CDK8: variants seen among roughly 807,000 people sequenced by gnomAD.
CDK8 encodes cyclin-dependent kinase 8.
CDK8 carries 29 observed loss-of-function variants against 71.5 expected under a neutral mutation model. That is an observed-to-expected ratio of 0.41 (90% CI 0.30 to 0.55). CDK8 has a LOEUF of 0.55. Ranked by LOEUF, CDK8 falls within the 20% of genes least tolerant of loss-of-function variation. CDK8 has a pLI of 0.37. For missense variants in CDK8, 288 were observed against 572.6 expected (o/e 0.50, Z 5.07); for synonymous variants, 161 against 192.1 (o/e 0.84, Z 1.34).
At chr13:26,293,621 AAAAT>A (rs1288419471) in intron 1 of CDK8, among the ~76,000 whole-genome samples, 15 of 123,424 alleles carry the variant, frequency 1.2e-4, no homozygotes, top group South Asian at 2.8e-4. Context: ...AAAAAAAAAA[AAAAT>A]TTGTATATAT....
At chr13:26,308,568 G>A (rs1874142931) in intron 1 of CDK8, among the ~76,000 whole-genome samples, 1 of 152,200 alleles carries the variant, frequency 6.6e-6, no homozygotes, top group Non-Finnish European at 1.5e-5. Context: ...ATGTACATAA[G>A]TTTTGGTCCC....
intron 1 of CDK8, among the ~76,000 whole-genome samples, chr13:26,306,680 G>A (rs1200458866): frequency 3.0e-4 from 45 of 147,616 alleles, no homozygotes. Context: ...CCAGGCTGGA[G>A]TGCAGTGGCA....
intron 12 of CDK8, among the ~76,000 whole-genome samples, chr13:26,402,526 G>C (rs751407146): frequency 6.6e-6 from 1 of 152,178 alleles, no homozygotes; most frequent in African/African-American, 2.4e-5. Flanking sequence ...CCGAGTGCTC[G>C]TTACTGTACT....
chr13:26,347,385 A>G (rs1327887795), intron 2 of CDK8, among the ~76,000 whole-genome samples: 1 of 152,212 alleles, frequency 6.6e-6, no homozygotes, highest in African/African-American at 2.4e-5. Context: ...ATTGATGTTA[A>G]TGAATGTTGC....
At chr13:26,376,411 A>C (rs1874953649) in intron 4 of CDK8, among the ~76,000 whole-genome samples, 1 of 152,164 alleles carries the variant, frequency 6.6e-6, no homozygotes, top group South Asian at 2.1e-4. Context: ...AACTGTTATA[A>C]AATTTTACAG....
chr13:26,327,963 C>T (rs200976266), intron 1 of CDK8, among the ~76,000 whole-genome samples: 3 of 143,766 alleles, frequency 2.1e-5, no homozygotes, highest in Non-Finnish European at 3.0e-5. Context: ...TAAGAGCTGT[C>T]TTTTTTTTTT....
At position 26,404,199 on chromosome 13, in the gene CDK8, G is replaced by A. The variant is rs1290223786; in HGVS notation, c.*118G>A. On this transcript the variant is annotated 3_prime_UTR_variant, in exon 13 of 13. Coordinates refer to ENST00000381527, the MANE Select transcript of CDK8 (RefSeq NM_001260.3). ...TACTGTACAACCACATCTTCAAAATGTCCAGTAGCCAAGTTCCACCACTTT... is the reference window on the plus strand; with the variant it reads ...TACTGTACAACCACATCTTCAAAATATCCAGTAGCCAAGTTCCACCACTTT... The A allele has an allele frequency of 8.3e-6, 10 of 1,201,902 alleles. No individual in the cohort carries two copies. Among genetic ancestry groups the A allele is most frequent in the African/African-American group, 1.5e-5 (1 of 66,094 alleles). The allele number at this position is 1,201,902 out of a possible 1,614,324, so 74.5% of individuals were successfully genotyped here.
chr13:26,311,133 GC>G (rs1048458590), intron 1 of CDK8, among the ~76,000 whole-genome samples: 19 of 149,888 alleles, frequency 1.3e-4, no homozygotes, highest in Non-Finnish European at 1.5e-5. Context: ...TGGTAGCTGT[GC>G]ATTAAAAATG....
chr13:26,338,614 G>A (rs1382061370), intron 2 of CDK8, among the ~76,000 whole-genome samples: 1 of 152,116 alleles, frequency 6.6e-6, no homozygotes, highest in Non-Finnish European at 1.5e-5. Flanking sequence ...GGGTGAGATG[G>A]AGGATATTGT....
In CDK8 at chr13:26,379,384, T is replaced by C. The variant is rs557799161; in HGVS notation, c.457-3430T>C. Among the ~76,000 whole-genome samples, 8 of 152,326 alleles carry C rather than the reference T, an allele frequency of 5.3e-5. 1 individual carries two copies. Among genetic ancestry groups the C allele is most frequent in the African/African-American group, 1.9e-4 (8 of 41,576 alleles). On this transcript the variant is annotated intron_variant, in intron 4 of 12. Coordinates refer to ENST00000381527, the MANE Select transcript of CDK8 (RefSeq NM_001260.3). ...GAGCTTGGGCCCCAAACTCTAATAC[T>C]AGGTCGGACCTTGACAAAGATACTA... is the stretch of plus-strand genomic sequence containing the variant.
At chr13:26,354,760 ACTT>A (rs1240907648) in intron 4 of CDK8, among the ~76,000 whole-genome samples, 1 of 152,058 alleles carries the variant, frequency 6.6e-6, no homozygotes, top group Non-Finnish European at 1.5e-5. Context: ...CCGTGGAAAA[ACTT>A]CTTCCATGAA....
chr13:26,332,996 AT>A (rs1365072111), intron 1 of CDK8, among the ~76,000 whole-genome samples: 1 of 152,068 alleles, frequency 6.6e-6, no homozygotes, highest in Non-Finnish European at 1.5e-5. Flanking sequence ...TCCACATCTG[AT>A]TTCATGTGAC....
intron 1 of CDK8, among the ~76,000 whole-genome samples, chr13:26,263,850 C>G (rs1275704834): frequency 6.6e-6 from 1 of 150,630 alleles, no homozygotes; most frequent in African/African-American, 2.5e-5. Flanking sequence ...GGGTTCACGC[C>G]ATTCTCCTGC....
At chr13:26,309,453 T>C (rs1198541893) in intron 1 of CDK8, among the ~76,000 whole-genome samples, 1 of 152,166 alleles carries the variant, frequency 6.6e-6, no homozygotes, top group Admixed American at 6.5e-5. Flanking sequence ...TTTTATATTT[T>C]ACCAATTTTC....
chr13:26,266,649 T>C (rs940084644), intron 1 of CDK8, among the ~76,000 whole-genome samples: 33 of 152,142 alleles, frequency 2.2e-4, no homozygotes, highest in African/African-American at 8.0e-4. Context: ...CAGCTAAAGA[T>C]TTTTGGATAC....
intron 9 of CDK8, among the ~76,000 whole-genome samples, chr13:26,399,900 G>T (rs1027980541): frequency 1.5e-4 from 23 of 152,228 alleles, no homozygotes; most frequent in Admixed American, 6.5e-5. Flanking sequence ...TTTGTAAGTT[G>T]TGTATCACCA....
At chr13:26,295,460 G>C (rs924801532) in intron 1 of CDK8, among the ~76,000 whole-genome samples, 1 of 152,182 alleles carries the variant, frequency 6.6e-6, no homozygotes, top group African/African-American at 2.4e-5. Flanking sequence ...GTTTAATGCA[G>C]ATCTTTTCAC....
rs754944062 is a variant in CDK8, at chr13:26,401,631, CA to C, written c.1269+9del. 2 of 1,613,638 alleles carry C rather than the reference CA, an allele frequency of 1.2e-6. No individual in the cohort carries two copies. The highest frequency in any genetic ancestry group is 2.2e-5 in the South Asian group (2 of 91,064). On this transcript the variant is annotated splice_region_variant and intron_variant, in intron 12 of 12. Coordinates refer to ENST00000381527, the MANE Select transcript of CDK8 (RefSeq NM_001260.3). The surrounding 1 kb of genome is among the most constrained non-coding windows in gnomAD (Gnocchi z 4.5). ...CATGACCTCAGACTATCAGGTATTC[CA>C]AGTTTATTTTGTATTGACTGCATGT...
chr13:26,259,809 C>A (rs1041810059), intron 1 of CDK8, among the ~76,000 whole-genome samples: 3 of 151,978 alleles, frequency 2.0e-5, no homozygotes, highest in Admixed American at 1.3e-4. Context: ...TTTATTGGAC[C>A]CTTCTATGTG....
Sources: allele counts gnomAD v4.1 joint callset (sites outside exome capture counted in the v4.1 genomes callset), GRCh38; gene constraint gnomAD v4.1.1; non-coding constraint Gnocchi (gnomAD v3.1); transcripts MANE v1.5; gene names NCBI Gene and HGNC (gene_info 2026-07-23, HGNC 2026-07-21).